Variants in SNAPC3 observed in about 807,000 individuals in gnomAD.
The protein encoded by SNAPC3 is snRNA-activating protein complex subunit 3.
In SNAPC3, 56 loss-of-function variants were observed where a neutral mutation model predicts 47.7. The ratio of observed to expected loss-of-function variants is 1.18; its 90% CI spans 0.95 to 1.47. The LOEUF is 1.47. Ranked by LOEUF, SNAPC3 falls within the 40% of genes most tolerant of loss-of-function variation. The pLI is 0.00. For synonymous variants in SNAPC3, 235 were observed against 189.9 expected (o/e 1.24, Z -1.95); for missense variants, 665 against 511.3 (o/e 1.30, Z -2.90).
Position 15,451,413 on chromosome 9 carries a change from C to T in SNAPC3, c.815+11C>T. 1 of 1,313,338 alleles carries T rather than the reference C, an allele frequency of 7.6e-7. No individual in the cohort carries two copies. The highest frequency in any genetic ancestry group is 1.5e-5 in the African/African-American group (1 of 67,932). 81.4% of individuals were successfully genotyped at this position (1,313,338 alleles called of 1,614,324 possible). On this transcript the variant is annotated intron_variant, in intron 6 of 8. Coordinates refer to ENST00000380821, the MANE Select transcript of SNAPC3 (RefSeq NM_001039697.2). Reference sequence around the variant, plus strand: ...CAGAGATTTGAGCAGGTATAGTTTCCAAAAATCTTCTCAAAGTCTTTCCTA... The same window carrying T: ...CAGAGATTTGAGCAGGTATAGTTTCTAAAAATCTTCTCAAAGTCTTTCCTA...
At position 15,453,483 on chromosome 9, in the gene SNAPC3, G is replaced by A. The variant is rs1481838240; in HGVS notation, c.980+278G>A. Reference sequence around the variant, plus strand: ...ATACTTTAAAAAGTATCTCTATTTTGTATTAAATAGCTGTTATTCAGATAT... The same window carrying A: ...ATACTTTAAAAAGTATCTCTATTTTATATTAAATAGCTGTTATTCAGATAT... On this transcript the variant is annotated intron_variant, in intron 7 of 8. Transcript: ENST00000380821. 6 of 253,304 alleles carry A rather than the reference G, an allele frequency of 2.4e-5. No homozygotes were observed. The East Asian group carries it at 4.9e-4, about 21-fold the overall frequency. 15.7% of individuals were successfully genotyped at this position (253,304 alleles called of 1,614,324 possible).
chr9:15,447,407 A>G (rs1369913391), intron 5 of SNAPC3, among the ~76,000 whole-genome samples, 163 bp downstream of exon 5: 3 of 152,332 alleles, frequency 2.0e-5, no homozygotes, highest in Admixed American at 6.5e-5. Context: ...GAACTTTTCC[A>G]AAGAAGAGGC....
intron 2 of SNAPC3, among the ~76,000 whole-genome samples, chr9:15,430,951 T>A (rs903623461): frequency 2.0e-5 from 3 of 152,234 alleles, no homozygotes; most frequent in African/African-American, 7.2e-5. Flanking sequence ...TCCTGCTCTG[T>A]AAAAATGGAC....
chr9:15,433,810 C>T (rs530134661), intron 3 of SNAPC3, 174 bp downstream of exon 3: 32 of 426,908 alleles, frequency 7.5e-5, no homozygotes, highest in African/African-American at 6.1e-4. Flanking sequence ...CCTTAGAACT[C>T]AAGTGACCAC....
intron 7 of SNAPC3, among the ~76,000 whole-genome samples, 153 bp from the exon 8 acceptor site, chr9:15,457,807 C>G (rs568137398): frequency 1.7e-4 from 26 of 152,290 alleles, no homozygotes; most frequent in Admixed American, 9.2e-4. Flanking sequence ...TTTGGTGAAA[C>G]ATGGCATAAC....
intron 7 of SNAPC3, among the ~76,000 whole-genome samples, chr9:15,456,033 C>T (rs1443894391): frequency 6.6e-6 from 1 of 152,138 alleles, no homozygotes; most frequent in Non-Finnish European, 1.5e-5. Context: ...CGCCACCACG[C>T]CCAGCTAATT....
chr9:15,423,890 CT>C lies in SNAPC3; in HGVS notation c.315-15del. 1 of 1,505,152 alleles carries C rather than the reference CT, an allele frequency of 6.6e-7. No individual in the cohort carries two copies. The highest frequency in any genetic ancestry group is 9.0e-7 in the Non-Finnish European group (1 of 1,114,454). 93.2% of individuals were successfully genotyped at this position (1,505,152 alleles called of 1,614,324 possible). ...ATGCAGAGTCGACCTTAAAGTATTG[CT>C]TTTCCTTTTTGTTTTAGCCTTGATA... On this transcript the variant is annotated intron_variant, in intron 1 of 8. Coordinates refer to ENST00000380821, the MANE Select transcript of SNAPC3 (RefSeq NM_001039697.2).
chr9:15,429,762 GA>G (rs2031900458), intron 2 of SNAPC3, among the ~76,000 whole-genome samples: 1 of 152,108 alleles, frequency 6.6e-6, no homozygotes, highest in South Asian at 2.1e-4. Context: ...TGATAGAGTT[GA>G]GACCAAATAC....
intron 8 of SNAPC3, 105 bp from the exon 9 acceptor site, chr9:15,459,614 A>G (rs763082890): frequency 5.7e-6 from 5 of 871,874 alleles, no homozygotes; most frequent in Non-Finnish European, 9.1e-6. Flanking sequence ...TAACAGACTG[A>G]TAAGGAAATA....
At chr9:15,452,684 A>G (rs1005097567) in intron 6 of SNAPC3, among the ~76,000 whole-genome samples, 3 of 152,232 alleles carry the variant, frequency 2.0e-5, no homozygotes, top group South Asian at 2.1e-4. Flanking sequence ...GGTTATAACT[A>G]TCACTATTTA....
At chr9:15,425,313 G>A (rs1402438278) in intron 2 of SNAPC3, among the ~76,000 whole-genome samples, 4 of 152,130 alleles carry the variant, frequency 2.6e-5, no homozygotes, top group East Asian at 3.8e-4. Context: ...CTGCCTCCGG[G>A]TTCAAGCGAT....
At chr9:15,428,273 G>C in intron 2 of SNAPC3, among the ~76,000 whole-genome samples, 1 of 152,134 alleles carries the variant, frequency 6.6e-6, no homozygotes, top group Non-Finnish European at 1.5e-5. Context: ...ACGAGAGCTT[G>C]TTGCAGATAA....
chr9:15,465,844 T>A (rs2035587557), downstream of SNAPC3: 2 of 354,620 alleles, frequency 5.6e-6, no homozygotes, highest in African/African-American at 4.2e-5. Context: ...CCAAGCCCTT[T>A]CCATCATTTC....
chr9:15,423,391 C>A (rs970373907), intron 1 of SNAPC3, among the ~76,000 whole-genome samples, 198 bp downstream of exon 1: 3 of 152,204 alleles, frequency 2.0e-5, no homozygotes, highest in Non-Finnish European at 4.4e-5. Context: ...TGCACAGTTT[C>A]TACGAGTTGG....
chr9:15,423,700 C>G (rs2030918557), intron 1 of SNAPC3, among the ~76,000 whole-genome samples: 1 of 152,216 alleles, frequency 6.6e-6, no homozygotes, highest in Non-Finnish European at 1.5e-5. Flanking sequence ...ATCTCTTTCT[C>G]CATTTAACAG....
intron 3 of SNAPC3, among the ~76,000 whole-genome samples, chr9:15,442,082 CCGGACGGGGCGG>C (rs1357124330): frequency 1.3e-5 from 2 of 151,632 alleles, no homozygotes; most frequent in African/African-American, 2.4e-5. Flanking sequence ...AACCTCCCTC[CCGGACGGGGCGG>C]CTGGCCAGGC....
Position 15,449,563 on chromosome 9 carries a change from A to AT in SNAPC3, c.733-1733dup, listed in dbSNP as rs568645696. On this transcript the variant is annotated intron_variant, in intron 5 of 8. Transcript: ENST00000380821. The stretch of plus-strand genomic sequence containing the variant: ...TATATATATATATATATATATATAT[A>AT]TTTTTTTTTTTTTTTTTTTTTTTTG... Among the ~76,000 whole-genome samples the AT allele has an allele frequency of 4.7e-3, 185 of 39,512 alleles. 5 individuals are homozygous for AT. Among genetic ancestry groups the AT allele is most frequent in the Non-Finnish European group, 6.3e-3 (149 of 23,564 alleles). The allele number at this position is 39,512 out of a possible 152,430, so 25.9% of individuals were successfully genotyped here. A position where few individuals can be genotyped will look rare whatever the true frequency, so the allele number is the denominator to read the frequency against.
At position 15,443,819 on chromosome 9, in the gene SNAPC3, G is replaced by A. The variant is rs143199755; in HGVS notation, c.478-783G>A. On this transcript the variant is annotated intron_variant, in intron 3 of 8. Coordinates refer to ENST00000380821, the MANE Select transcript of SNAPC3 (RefSeq NM_001039697.2). ...CCTGTCTCATCGGCGAGGGGCGAAG[G>A]AGTGAGGGTGGTAGTTGATTTGCAC... 2.6e-5 allele frequency among the ~76,000 whole-genome samples: 4 copies of A among 152,346 alleles called. No homozygotes were observed. The East Asian group carries it at 7.7e-4, about 29-fold the overall frequency.
At chr9:15,462,454 T>C (rs1396416690), downstream of SNAPC3, 1 of 152,246 alleles carries the variant, frequency 6.6e-6, no homozygotes, top group Non-Finnish European at 1.5e-5. Context: ...AAACCCCTGA[T>C]TTAAGACAGC....
Sources: allele counts gnomAD v4.1 joint callset (sites outside exome capture counted in the v4.1 genomes callset), GRCh38; gene constraint gnomAD v4.1.1; transcripts MANE v1.5; gene names NCBI Gene and HGNC (gene_info 2026-07-23, HGNC 2026-07-21).